STAU2: variants seen among roughly 807,000 people sequenced by gnomAD.
STAU2 encodes the protein double-stranded RNA-binding protein Staufen homolog 2.
Under a neutral mutation model 65.9 loss-of-function variants are expected in STAU2, and 20 were observed. The ratio of observed to expected loss-of-function variants is 0.30; its 90% CI spans 0.21 to 0.44. The LOEUF (loss-of-function observed/expected upper bound fraction) is 0.44. Ranked by LOEUF, STAU2 falls within the 20% of genes least tolerant of loss-of-function variation. The pLI, the probability that STAU2 is intolerant of heterozygous loss-of-function variation, is 1.00. For missense variants in STAU2, 558 were observed against 683.9 expected, an observed-to-expected ratio of 0.82 and a Z score of 2.05; for synonymous variants, 232 against 233.9, an observed-to-expected ratio of 0.99 and a Z score of 0.07.
intron 13 of STAU2, among the ~76,000 whole-genome samples, chr8:73,423,656 C>T (rs1027683104): frequency 6.6e-6 from 1 of 152,170 alleles, no homozygotes; most frequent in South Asian, 2.1e-4. Context: ...TTTTATCTGC[C>T]AAGAGCTCCT....
At chr8:73,573,038 A>T (rs1177107553) in intron 12 of STAU2, among the ~76,000 whole-genome samples, 1 of 152,274 alleles carries the variant, frequency 6.6e-6, no homozygotes, top group African/African-American at 2.4e-5. Context: ...TAAGCTGATA[A>T]GCAACTTCAG....
At chr8:73,548,844 C>T (rs959525953) in intron 13 of STAU2, among the ~76,000 whole-genome samples, 6 of 152,196 alleles carry the variant, frequency 3.9e-5, no homozygotes, top group Middle Eastern at 3.4e-3. Flanking sequence ...CTAGAAGGGA[C>T]GATTTGCTAA....
intron 13 of STAU2, among the ~76,000 whole-genome samples, chr8:73,515,807 G>T (rs1230467082): frequency 8.9e-6 from 1 of 112,644 alleles, no homozygotes; most frequent in Admixed American, 1.2e-4. Context: ...TTTGAGACAC[G>T]GTCTCACTCT....
intron 9 of STAU2, among the ~76,000 whole-genome samples, chr8:73,604,932 G>A (rs914463167): frequency 7.9e-5 from 12 of 151,910 alleles, no homozygotes; most frequent in African/African-American, 1.9e-4. Context: ...CTAGAAAACC[G>A]TAACCCATGC....
chr8:73,646,938 GACACAC>G (rs142043134), intron 6 of STAU2, among the ~76,000 whole-genome samples: 3,789 of 144,038 alleles, frequency 0.026, 136 homozygotes, highest in African/African-American at 0.09. Flanking sequence ...CACACAGCCA[GACACAC>G]ACACACACAC....
At chr8:73,625,739 A>G (rs1255183206) in intron 6 of STAU2, among the ~76,000 whole-genome samples, 1 of 152,174 alleles carries the variant, frequency 6.6e-6, no homozygotes, top group East Asian at 1.9e-4. Flanking sequence ...ATTTTTTTAA[A>G]AAATGTTGAT....
intron 13 of STAU2, among the ~76,000 whole-genome samples, chr8:73,435,919 A>C (rs1211252599): frequency 6.6e-6 from 1 of 151,836 alleles, no homozygotes; most frequent in Non-Finnish European, 1.5e-5. Flanking sequence ...CTGGGTCTGT[A>C]GGGCAATCAT....
At chr8:73,551,350 C>T (rs1275987541) in intron 13 of STAU2, 1 of 987,228 alleles carries the variant, frequency 1.0e-6, no homozygotes, top group East Asian at 1.1e-4. Context: ...TTAGACTACC[C>T]AGTGAAACAG....
intron 12 of STAU2, among the ~76,000 whole-genome samples, chr8:73,569,335 C>G (rs992521897): frequency 2.6e-5 from 4 of 152,118 alleles, no homozygotes. Context: ...TGGAGCCCAC[C>G]ACAGCTCAAG....
chr8:73,493,292 A>T (rs1015659978), intron 13 of STAU2, among the ~76,000 whole-genome samples: 1 of 151,706 alleles, frequency 6.6e-6, no homozygotes, highest in African/African-American at 2.4e-5. Flanking sequence ...ATCAAAATTT[A>T]AAAATTCTCC....
chr8:73,686,086 T>C (rs1247568744), intron 5 of STAU2, among the ~76,000 whole-genome samples: 1 of 151,864 alleles, frequency 6.6e-6, no homozygotes, highest in Non-Finnish European at 1.5e-5. Flanking sequence ...TTCTCATAAA[T>C]GGGAGGTAAG....
At chr8:73,714,915 C>G (rs1038360022) in intron 3 of STAU2, among the ~76,000 whole-genome samples, 2 of 151,728 alleles carry the variant, frequency 1.3e-5, no homozygotes, top group African/African-American at 4.8e-5. Flanking sequence ...AACCCCGTCT[C>G]TACAAAAATA....
intron 12 of STAU2, among the ~76,000 whole-genome samples, chr8:73,572,764 A>G (rs939485567): frequency 5.3e-5 from 8 of 152,212 alleles, no homozygotes; most frequent in Non-Finnish European, 1.2e-4. Flanking sequence ...AATAAGAGCT[A>G]TTTATGACAA....
At chr8:73,662,617 G>GTTGTTGTTA (rs1478627479) in intron 6 of STAU2, among the ~76,000 whole-genome samples, 3 of 151,824 alleles carry the variant, frequency 2.0e-5, no homozygotes, top group African/African-American at 7.3e-5. Flanking sequence ...TGTTGTTGTT[G>GTTGTTGTTA]TTGTTGTTGT....
intron 6 of STAU2, chr8:73,651,346 C>A: frequency 1.5e-6 from 1 of 683,390 alleles, no homozygotes; most frequent in South Asian, 1.5e-5. Flanking sequence ...TCTTCCAGCA[C>A]CACCAGTACC....
Position 73,603,828 on chromosome 8 carries a change from A to G in STAU2, c.927T>C (p.Ile309=), listed in dbSNP as rs370812556. 2.2e-5 allele frequency: 35 copies of G among 1,612,076 alleles called. No individual in the cohort carries two copies. The African/African-American group carries it at 4.0e-4, about 18-fold the overall frequency. The change falls in exon 10 of 15, where the codon ATT becomes ATC. Residue 309 remains isoleucine, a synonymous_variant. Coordinates refer to ENST00000524300, the MANE Select transcript of STAU2 (RefSeq NM_001164380.2). ...CCTGTTGAATTTGCGCCAGGCGGCT[A>G]ATAGGGTTCATCCCTTGGCCATATT... ...GPEYGQGMNP[I]SRLAQIQQAK... is the part of the protein sequence containing the mutation.
At chr8:73,597,150 G>C (rs1203023345) in intron 10 of STAU2, among the ~76,000 whole-genome samples, 1 of 151,718 alleles carries the variant, frequency 6.6e-6, no homozygotes, top group Non-Finnish European at 1.5e-5. Flanking sequence ...ACAAAACAAA[G>C]TACAATAAAG....
rs140309591 is a variant in STAU2 at position 73,508,948 on chromosome 8, A to T, written c.1530+43064T>A. Among the ~76,000 whole-genome samples, 61 of 152,340 alleles carry T rather than the reference A, an allele frequency of 4.0e-4. No homozygotes were observed. In the East Asian group the frequency reaches 0.011, roughly 28 times the overall value. ...TTCCAGTTTTTGACTACTATGAATA[A>T]TGCTGCTACTATTATTTATATACAA... On this transcript the variant is annotated intron_variant, in intron 13 of 14. Coordinates refer to ENST00000524300, the MANE Select transcript of STAU2 (RefSeq NM_001164380.2).
chr8:73,587,635 A>G (rs575537137), intron 11 of STAU2, among the ~76,000 whole-genome samples: 2 of 152,326 alleles, frequency 1.3e-5, no homozygotes, highest in East Asian at 3.9e-4. Flanking sequence ...TATGTACCAG[A>G]GTTAAACCCT....
Sources: gnomAD v4.1 joint callset for allele counts (sites outside exome capture counted in the v4.1 genomes callset) on GRCh38, gnomAD v4.1.1 for gene constraint, MANE v1.5 for transcripts, NCBI Gene and HGNC (gene_info 2026-07-23, HGNC 2026-07-21) for gene names.